PIH1D2: variants seen among roughly 807,000 people sequenced by gnomAD.
PIH1D2 encodes the protein PIH1 domain-containing protein 2.
Under a neutral mutation model 31.2 loss-of-function variants are expected in PIH1D2, and 25 were observed. That is an observed-to-expected ratio of 0.80 (90% CI 0.58 to 1.12). The LOEUF is 1.12. PIH1D2 is among the 50% of genes most tolerant of loss of function. The pLI is 0.00. For missense variants in PIH1D2, 310 were observed against 356.6 expected (o/e 0.87, Z 1.05); for synonymous variants, 116 against 119.9 (o/e 0.97, Z 0.21).
chr11:112,059,034 G>T (rs1460004610), downstream of PIH1D2, among the ~76,000 whole-genome samples: 2 of 150,558 alleles, frequency 1.3e-5, no homozygotes, highest in African/African-American at 4.9e-5. Context: ...CTTGATAACA[G>T]AAGATCTGAT....
At chr11:112,063,901 C>A, downstream of PIH1D2, 1 of 320,576 alleles carries the variant, frequency 3.1e-6, no homozygotes, top group Non-Finnish European at 5.6e-6. Context: ...ACCAGTGCTT[C>A]CTGGTATATG....
intron 1 of PIH1D2, among the ~76,000 whole-genome samples, chr11:112,073,406 C>G (rs1205654162): frequency 6.6e-6 from 1 of 152,018 alleles, no homozygotes; most frequent in Admixed American, 6.6e-5. Flanking sequence ...CTCACATTGT[C>G]CTCTCAGATA....
chr11:112,072,824 A>G, intron 2 of PIH1D2, 174 bp downstream of exon 2: 1 of 675,302 alleles, frequency 1.5e-6, no homozygotes, highest in South Asian at 2.5e-5. Context: ...AGACCACACC[A>G]TTGCACTCCA....
downstream of PIH1D2, among the ~76,000 whole-genome samples, chr11:112,065,942 G>A (rs1864909521): frequency 6.6e-6 from 1 of 151,828 alleles, no homozygotes; most frequent in South Asian, 2.1e-4. Context: ...AGGTTGCAGT[G>A]AGCCAAGATC....
chr11:112,058,166 T>G, the PIH1D2 span, among the ~76,000 whole-genome samples: 1 of 152,236 alleles, frequency 6.6e-6, no homozygotes, highest in South Asian at 2.1e-4. Flanking sequence ...AACATTTATT[T>G]AACATGTACT....
chr11:112,071,138 A>T lies in PIH1D2; in HGVS notation c.447T>A (p.His149Gln). Residue 149 changes from histidine (H) to glutamine (Q), a missense_variant, in exon 4 of 6, where the codon CAT (histidine) becomes CAA (glutamine). His to Gln is a conservative substitution (Grantham distance 24). Coordinates refer to ENST00000280350, the MANE Select transcript of PIH1D2 (RefSeq NM_138789.4). ...KFQFTLSHSY[H>Q]ITKFRIKGSI... ...TTCCTTTTATTCTAAATTTGGTAAT[A>T]TGGTAAGAGTGTGAGAGGGTGAACT... 1 of 1,613,902 alleles carries T rather than the reference A, an allele frequency of 6.2e-7. No homozygotes were observed. Among genetic ancestry groups the T allele is most frequent in the South Asian group, 1.1e-5 (1 of 91,078 alleles).
chr11:112,072,549 CAAAAAAAAAAA>C lies in PIH1D2; in HGVS notation c.177+438_177+448del, dbSNP rs148760956. On this transcript the variant is annotated intron_variant, in intron 2 of 5. Coordinates refer to ENST00000280350, the MANE Select transcript of PIH1D2 (RefSeq NM_138789.4). ...CGACAGAGCCAGCAAGACCCTATCT[CAAAAAAAAAAA>C]AAAAAAAAAAAAAAAAAAGTCTGCC... 3.6e-4 allele frequency among the ~76,000 whole-genome samples: 13 copies of C among 36,358 alleles called. 1 individual carries two copies. Among genetic ancestry groups the C allele is most frequent in the South Asian group, 5.2e-3 (2 of 382 alleles). The allele number at this position is 36,358 out of a possible 152,430, so 23.9% of individuals were successfully genotyped here.
downstream of PIH1D2, chr11:112,067,714 T>TATATA: frequency 4.7e-6 from 1 of 214,780 alleles, no homozygotes; most frequent in Non-Finnish European, 8.2e-6. Context: ...ATATATATAT[T>TATATA]TGACATAACA....
At chr11:112,068,874 G>C (rs1865016199) in intron 5 of PIH1D2, among the ~76,000 whole-genome samples, 1 of 151,640 alleles carries the variant, frequency 6.6e-6, no homozygotes, top group East Asian at 1.9e-4. Context: ...TTTTCAGCAA[G>C]TAAGGGATAA....
chr11:112,072,887 A>AC (rs1304048883), intron 2 of PIH1D2, 111 bp downstream of exon 2: 81 of 1,108,004 alleles, frequency 7.3e-5, no homozygotes, highest in Middle Eastern at 3.2e-4. Context: ...AACAAAACAA[A>AC]ACAAAAAAAA....
At chr11:112,065,975 G>GT, downstream of PIH1D2, among the ~76,000 whole-genome samples, 1 of 151,940 alleles carries the variant, frequency 6.6e-6, no homozygotes, top group Non-Finnish European at 1.5e-5. Flanking sequence ...TCCAGCCTGG[G>GT]TGACCGAGCG....
At chr11:112,068,933 G>A (rs1865018196) in intron 5 of PIH1D2, among the ~76,000 whole-genome samples, 1 of 150,396 alleles carries the variant, frequency 6.6e-6, no homozygotes, top group African/African-American at 2.5e-5. Context: ...CAATATAGAG[G>A]CAAAGATTAA....
rs1383393495 is a variant in PIH1D2 at position 112,070,066 on chromosome 11, T to C, written c.813+370A>G. The C allele has an allele frequency of 8.5e-6, 3 of 354,690 alleles. No individual in the cohort carries two copies. The East Asian group carries it at 1.5e-4, about 17-fold the overall frequency. 22.0% of individuals were successfully genotyped at this position (354,690 alleles called of 1,614,324 possible). A position where few individuals can be genotyped will look rare whatever the true frequency, so the allele number is the denominator to read the frequency against. Reference sequence around the variant, plus strand: ...GACTGTAGGACTGACTCTAACTATTTGCTCTTCTGTAAGAGGATAGTACGT... The same window carrying C: ...GACTGTAGGACTGACTCTAACTATTCGCTCTTCTGTAAGAGGATAGTACGT... On this transcript the variant is annotated intron_variant, in intron 5 of 5. Coordinates refer to ENST00000280350, the MANE Select transcript of PIH1D2 (RefSeq NM_138789.4).
Position 112,070,478 on chromosome 11 carries a change from A to G in PIH1D2, c.771T>C (p.Pro257=). 6.2e-7 allele frequency: 1 copy of G among 1,614,022 alleles called. No homozygotes were observed. Among genetic ancestry groups the G allele is most frequent in the Non-Finnish European group, 8.5e-7 (1 of 1,179,898 alleles). Residue 257 remains proline, a synonymous_variant, in exon 5 of 6, where the codon CCT becomes CCC. Transcript: ENST00000280350. ...PLKIELKVEL[P]GINSVSLCDL... is the part of the protein sequence containing the mutation. Reference sequence around the variant, plus strand: ...CACAGAGAGAGACAGAATTAATACCAGGTAATTCAACTTTCAACTCAATTT... The same window carrying G: ...CACAGAGAGAGACAGAATTAATACCGGGTAATTCAACTTTCAACTCAATTT...
the PIH1D2 span, among the ~76,000 whole-genome samples, chr11:112,056,659 A>G: frequency 6.6e-6 from 1 of 152,142 alleles, no homozygotes; most frequent in Non-Finnish European, 1.5e-5. Context: ...TTGTGTGGAC[A>G]TATATTTTTA....
chr11:112,058,619 G>GT (rs1326335284), downstream of PIH1D2, among the ~76,000 whole-genome samples: 1 of 130,266 alleles, frequency 7.7e-6, no homozygotes, highest in African/African-American at 2.8e-5. Flanking sequence ...TGGGGGAAGG[G>GT]GGGGGTGGGG....
the PIH1D2 span, among the ~76,000 whole-genome samples, chr11:112,056,703 CTGAGTCATAGGGTAAAATTA>C: frequency 6.6e-6 from 1 of 152,066 alleles, no homozygotes; most frequent in Non-Finnish European, 1.5e-5. Context: ...AGTGGAATAC[CTGAGTCATAGGGTAAAATTA>C]TGTTTAATTT....
At chr11:112,062,471 T>C (rs782428411), downstream of PIH1D2, 4 of 1,612,804 alleles carry the variant, frequency 2.5e-6, no homozygotes. Context: ...GATGGAGCAG[T>C]TGGAGCCCAG....
At chr11:112,063,230 A>C (rs1347826962), downstream of PIH1D2, 2 of 152,216 alleles carry the variant, frequency 1.3e-5, no homozygotes, top group Non-Finnish European at 2.9e-5. Context: ...ATTTGTGTGG[A>C]TATTTATTTA....
Sources: allele counts gnomAD v4.1 joint callset (sites outside exome capture counted in the v4.1 genomes callset), GRCh38; gene constraint gnomAD v4.1.1; transcripts MANE v1.5; gene names NCBI Gene and HGNC (gene_info 2026-07-23, HGNC 2026-07-21).